Variants in MRPL33 observed in about 807,000 individuals in gnomAD.
MRPL33 encodes mitochondrial ribosomal protein L33, also known as large ribosomal subunit protein bL33m.
In MRPL33, 5 loss-of-function variants were observed where a neutral mutation model predicts 10.1. The observed-to-expected ratio is 0.49, with a 90% CI of 0.26 to 1.04. MRPL33 has a LOEUF of 1.04. Among genes scored for constraint, MRPL33 ranks in the 50% least tolerant of loss-of-function variants. MRPL33 has a pLI of 0.14. For missense variants in MRPL33, 79 were observed against 78.1 expected (o/e 1.01, Z -0.04); for synonymous variants, 24 against 27.7 (o/e 0.87, Z 0.42).
rs1169914307 is a variant in MRPL33 at position 27,774,791 on chromosome 2, C to T, written c.148+261C>T. Among the ~76,000 whole-genome samples the T allele has an allele frequency of 2.0e-5, 3 of 152,142 alleles. 1 individual carries two copies. Among genetic ancestry groups the T allele is most frequent in the Admixed American group, 2.0e-4 (3 of 15,280 alleles). ...CAAATTATAAGTGCTGTGAGAGAAA[C>T]AATCAGGATGCTGAGGTGTAGGATG... On this transcript the variant is annotated intron_variant, in intron 3 of 3. Transcript: ENST00000296102.
At chr2:27,773,480 A>G (rs1401526301) in intron 2 of MRPL33, among the ~76,000 whole-genome samples, 1 of 152,194 alleles carries the variant, frequency 6.6e-6, no homozygotes, top group Non-Finnish European at 1.5e-5. Flanking sequence ...TGGTTTCTGT[A>G]GAGGTATATT....
intron 2 of MRPL33, 24 bp downstream of exon 2, chr2:27,772,716 T>A: frequency 6.3e-7 from 1 of 1,579,400 alleles, no homozygotes; most frequent in Non-Finnish European, 8.7e-7. Context: ...TTTCCTTTTT[T>A]AAACGTCACT....
intron 3 of MRPL33, among the ~76,000 whole-genome samples, chr2:27,776,635 C>T (rs1677178992): frequency 6.6e-6 from 1 of 152,190 alleles, no homozygotes; most frequent in Non-Finnish European, 1.5e-5. Context: ...ATTAAACTTT[C>T]TTAAATATAT....
rs995367834 is a variant in MRPL33 at position 27,774,477 on chromosome 2, C to G, written c.95C>G (p.Thr32Ser). 5.0e-6 allele frequency: 8 copies of G among 1,614,110 alleles called. No individual in the cohort carries two copies. The South Asian group carries it at 8.8e-5, about 18-fold the overall frequency. The change falls in exon 3 of 4, where the codon ACC becomes AGC. Residue 32 changes from threonine (T) to serine (S), a missense_variant. By Grantham distance (58) the Thr-to-Ser change is moderately conservative. Coordinates refer to ENST00000296102, the MANE Select transcript of MRPL33 (RefSeq NM_004891.4). Reference protein sequence around the residue: ...SEAGTGFCFNTKRNRLREKLT... With the variant: ...SEAGTGFCFNSKRNRLREKLT... Reference sequence around the variant, plus strand: ...GCTGGGACAGGTTTCTGCTTCAACACCAAGAGAAACCGACTGCGGGAAAAA... The same window carrying G: ...GCTGGGACAGGTTTCTGCTTCAACAGCAAGAGAAACCGACTGCGGGAAAAA...
At chr2:27,772,490 C>G (rs564381766) in intron 1 of MRPL33, 184 bp from the exon 2 acceptor site, 50 of 540,670 alleles carry the variant, frequency 9.2e-5, no homozygotes, top group Non-Finnish European at 1.6e-4. Context: ...TTTTAACCTT[C>G]CTTCTATAAA....
At position 27,774,549 on chromosome 2, in the gene MRPL33, AATGC is replaced by A; in HGVS notation, c.148+20_148+23del. ...CCAGTTGGTAAGATCTGGGGAGGTT[AATGC>A]TTCCAAGGCCTGTTGCCCCCTTTGT... On this transcript the variant is annotated intron_variant, in intron 3 of 3. Transcript: ENST00000296102. 1.2e-6 allele frequency: 2 copies of A among 1,602,312 alleles called. No homozygotes were observed. Among genetic ancestry groups the A allele is most frequent in the Non-Finnish European group, 1.7e-6 (2 of 1,169,318 alleles).
intron 2 of MRPL33, among the ~76,000 whole-genome samples, chr2:27,773,519 C>T (rs1256462996): frequency 6.6e-6 from 1 of 152,168 alleles, no homozygotes; most frequent in Non-Finnish European, 1.5e-5. Context: ...ACCCTTGTGA[C>T]ATATTTCATA....
chr2:27,774,400 T>C, intron 2 of MRPL33, 24 bp from the exon 3 acceptor site: 2 of 1,597,238 alleles, frequency 1.3e-6, no homozygotes, highest in East Asian at 2.2e-5. Context: ...AGCTCGTACA[T>C]AACAGCGTAC....
chr2:27,776,320 C>T (rs529321433), intron 3 of MRPL33, among the ~76,000 whole-genome samples: 5 of 152,248 alleles, frequency 3.3e-5, no homozygotes, highest in African/African-American at 7.2e-5. Context: ...TGCACGTGTT[C>T]GTGATGAAGA....
In MRPL33 at chr2:27,779,521, A is replaced by T. The variant is rs1677237345; in HGVS notation, c.*39A>T. 2.5e-6 allele frequency: 4 copies of T among 1,612,878 alleles called. No individual in the cohort carries two copies. Among genetic ancestry groups the T allele is most frequent in the Non-Finnish European group, 3.4e-6 (4 of 1,179,684 alleles). ...AATGACTTTGATTTATAAAGAGAAG[A>T]CTGAGGGCGGGGATACTGATTCAGA... On this transcript the variant is annotated 3_prime_UTR_variant, in exon 4 of 4. Transcript: ENST00000296102.
intron 3 of MRPL33, among the ~76,000 whole-genome samples, chr2:27,778,004 G>C (rs956567543): frequency 2.0e-5 from 3 of 152,124 alleles, no homozygotes; most frequent in Non-Finnish European, 2.9e-5. Flanking sequence ...GGAGTTTTAG[G>C]AGGATCAATC....
chr2:27,774,548 T>G lies in MRPL33; in HGVS notation c.148+18T>G, dbSNP rs773783082. On this transcript the variant is annotated intron_variant, in intron 3 of 3. Coordinates refer to ENST00000296102, the MANE Select transcript of MRPL33 (RefSeq NM_004891.4). ...TCCAGTTGGTAAGATCTGGGGAGGT[T>G]AATGCTTCCAAGGCCTGTTGCCCCC... The G allele has an allele frequency of 6.2e-7, 1 of 1,603,296 alleles. No individual in the cohort carries two copies. The highest frequency in any genetic ancestry group is 1.1e-5 in the South Asian group (1 of 90,838).
chr2:27,776,475 G>A (rs182663136), intron 3 of MRPL33, among the ~76,000 whole-genome samples: 13 of 152,208 alleles, frequency 8.5e-5, no homozygotes, highest in East Asian at 1.9e-4. Flanking sequence ...GTAAGGAAAC[G>A]TGAAAAAATT....
In MRPL33 at chr2:27,775,031, G is replaced by GAAGTTA. The variant is rs1398234118; in HGVS notation, c.148+505_148+510dup. Among the ~76,000 whole-genome samples the GAAGTTA allele has an allele frequency of 3.3e-5, 5 of 152,220 alleles. No homozygotes were observed. The South Asian group carries it at 1.0e-3, about 31-fold the overall frequency. On this transcript the variant is annotated intron_variant, in intron 3 of 3. Transcript: ENST00000296102. ...AGTGGCTAGTATTTGGTTCCTGATA[G>GAAGTTA]AAGTTAAAGGAATATGGTTTCTATA...
At chr2:27,773,995 A>C (rs1305689604) in intron 2 of MRPL33, among the ~76,000 whole-genome samples, 1 of 152,134 alleles carries the variant, frequency 6.6e-6, no homozygotes, top group Non-Finnish European at 1.5e-5. Flanking sequence ...TAGTCTCTTT[A>C]TTTTGTCCCT....
chr2:27,779,339 A>G, intron 3 of MRPL33, 94 bp from the exon 4 acceptor site: 1 of 1,362,350 alleles, frequency 7.3e-7, no homozygotes, highest in Non-Finnish European at 9.9e-7. Flanking sequence ...AAATAAGAGA[A>G]AGGTGAGGGC....
rs1306088875 is a variant in MRPL33, at chr2:27,777,846, C to T, written c.149-1587C>T. Among the ~76,000 whole-genome samples, 6 of 152,104 alleles carry T rather than the reference C, an allele frequency of 3.9e-5. No individual in the cohort carries two copies. In the East Asian group the frequency reaches 7.7e-4, roughly 20 times the overall value. ...CCAGATTGCTTTTCAGTGAGACAACCCCCCTACCCCCCGCCTTTTTTTAAA... is the reference window on the plus strand; with the variant it reads ...CCAGATTGCTTTTCAGTGAGACAACTCCCCTACCCCCCGCCTTTTTTTAAA... On this transcript the variant is annotated intron_variant, in intron 3 of 3. Transcript: ENST00000296102.
At position 27,772,677 on chromosome 2, in the gene MRPL33, C is replaced by G. The variant is rs1213174013; in HGVS notation, c.26C>G (p.Ala9Gly). 2 of 1,599,676 alleles carry G rather than the reference C, an allele frequency of 1.3e-6. No homozygotes were observed. Among genetic ancestry groups the G allele is most frequent in the Non-Finnish European group, 1.7e-6 (2 of 1,170,676 alleles). The part of the protein sequence containing the change: MFLSAVFF[A>G]KSKSKNILVR... ...ACCCTTCCTGTCTACAAAAAAGTTG[C>G]CAAGAGCAAGTCAAAGTAAGTAAAG... The change falls in exon 2 of 4, where the codon GCC becomes GGC. Residue 9 changes from alanine to glycine, a missense_variant. By Grantham distance (60) the Ala-to-Gly change is moderately conservative (BLOSUM62 0). Coordinates refer to ENST00000296102, the MANE Select transcript of MRPL33 (RefSeq NM_004891.4).
intron 1 of MRPL33, 80 bp from the exon 2 acceptor site, chr2:27,772,590 TGATA>T: frequency 1.4e-5 from 15 of 1,106,400 alleles, no homozygotes; most frequent in Non-Finnish European, 2.0e-5. Flanking sequence ...TGGTTATTAC[TGATA>T]TTTATATGAA....
Sources: allele counts gnomAD v4.1 joint callset (sites outside exome capture counted in the v4.1 genomes callset), GRCh38; gene constraint gnomAD v4.1.1; transcripts MANE v1.5; gene names NCBI Gene and HGNC (gene_info 2026-07-23, HGNC 2026-07-21).